Variants in SOX5 observed in about 807,000 individuals in gnomAD.
SOX5 encodes the protein transcription factor SOX-5.
SOX5 carries 9 observed loss-of-function variants against 92.0 expected under a neutral mutation model. The ratio of observed to expected loss-of-function variants is 0.10; its 90% CI spans 0.06 to 0.17. The LOEUF (loss-of-function observed/expected upper bound fraction) is 0.17. SOX5 is among the 10% of genes least tolerant of loss of function. The pLI is 1.00. For synonymous variants in SOX5, 344 were observed against 336.3 expected (o/e 1.02, Z -0.25); for missense variants, 642 against 944.5 (o/e 0.68, Z 4.20).
intron 4 of SOX5, among the ~76,000 whole-genome samples, chr12:24,127,113 C>A (rs576949493): frequency 1.3e-5 from 2 of 151,930 alleles, no homozygotes; most frequent in Non-Finnish European, 2.9e-5. Flanking sequence ...TGATGCCAGG[C>A]ACAGTGGCTC....
chr12:24,401,034 C>T (rs1191436447), intron 1 of SOX5, among the ~76,000 whole-genome samples: 1 of 152,132 alleles, frequency 6.6e-6, no homozygotes, highest in Non-Finnish European at 1.5e-5. Context: ...TGTCCTCTCT[C>T]CAAAACCTGA....
chr12:23,647,394 A>G (rs951238908), intron 7 of SOX5, among the ~76,000 whole-genome samples: 1 of 152,208 alleles, frequency 6.6e-6, no homozygotes, highest in African/African-American at 2.4e-5. Flanking sequence ...TCTTAAAAAA[A>G]CTAAGATTTT....
At chr12:23,705,018 T>C (rs1272759422) in intron 6 of SOX5, among the ~76,000 whole-genome samples, 1 of 151,878 alleles carries the variant, frequency 6.6e-6, no homozygotes, top group East Asian at 1.9e-4. Flanking sequence ...AAACGTTCTA[T>C]CTATGTTAAC....
In SOX5 at chr12:24,196,976, C is replaced by G. The variant is rs146281185; in HGVS notation, c.-2+16367G>C. ...AAATAAGTTCATGGAATTTTAGCCT[C>G]CTGAAGTTAAAAACATACTTCTTCC... is the stretch of plus-strand genomic sequence containing the variant. On this transcript the variant is annotated intron_variant, in intron 4 of 4. Transcript: ENST00000446891. Among the ~76,000 whole-genome samples, 14 of 152,256 alleles carry G rather than the reference C, an allele frequency of 9.2e-5. No individual in the cohort carries two copies. The East Asian group carries it at 2.7e-3, about 29-fold the overall frequency.
chr12:23,899,374 T>C (rs1475926697), intron 1 of SOX5, among the ~76,000 whole-genome samples: 1 of 146,918 alleles, frequency 6.8e-6, no homozygotes, highest in African/African-American at 2.5e-5. Flanking sequence ...GCATCCAGCC[T>C]GGGCAACAAA....
At chr12:24,191,262 T>C (rs1311478981) in intron 4 of SOX5, among the ~76,000 whole-genome samples, 1 of 152,256 alleles carries the variant, frequency 6.6e-6, no homozygotes, top group East Asian at 1.9e-4. Flanking sequence ...GCCAGGATCC[T>C]GGTGTTAATC....
At chr12:24,487,895 C>T (rs1053860835) in intron 1 of SOX5, among the ~76,000 whole-genome samples, 1 of 152,002 alleles carries the variant, frequency 6.6e-6, no homozygotes, top group Non-Finnish European at 1.5e-5. Context: ...TTTTAGAGTT[C>T]AGACAACGCA....
rs79927319 is a variant in SOX5, at chr12:24,468,185, C to T, written c.-251+94144G>A. Among the ~76,000 whole-genome samples, 947 of 152,232 alleles carry T rather than the reference C, an allele frequency of 6.2e-3. 11 individuals carry two copies. Among genetic ancestry groups the T allele is most frequent in the African/African-American group, 0.022 (901 of 41,542 alleles). ...TCATGGGCCTTCCAGGGTTCTGGAA[C>T]GAGGTAGGGAGTGTACTGGATTTCA... On this transcript the variant is annotated intron_variant, in intron 1 of 4. Transcript: ENST00000446891.
intron 7 of SOX5, among the ~76,000 whole-genome samples, chr12:23,642,813 C>T (rs540993156): frequency 4.5e-5 from 5 of 111,372 alleles, no homozygotes; most frequent in African/African-American, 1.3e-4. Context: ...ATGGGCCGGG[C>T]GCGGTGGCTC....
chr12:23,596,711 A>T (rs965126779), intron 9 of SOX5, among the ~76,000 whole-genome samples: 5 of 152,206 alleles, frequency 3.3e-5, no homozygotes, highest in African/African-American at 7.2e-5. Flanking sequence ...CCCCCCAAAA[A>T]AGAGTAACTA....
chr12:23,746,732 C>T (rs1413518278), intron 4 of SOX5, among the ~76,000 whole-genome samples: 1 of 152,046 alleles, frequency 6.6e-6, no homozygotes, highest in Non-Finnish European at 1.5e-5. Context: ...TCAGTCATCT[C>T]CAGCTCAGCA....
At chr12:24,317,750 C>T (rs1949833327) in intron 2 of SOX5, among the ~76,000 whole-genome samples, 1 of 152,224 alleles carries the variant, frequency 6.6e-6, no homozygotes, top group Non-Finnish European at 1.5e-5. Flanking sequence ...CATCTATCAG[C>T]CACCTCTTGG....
chr12:23,766,286 T>A (rs2141423428), intron 3 of SOX5, among the ~76,000 whole-genome samples: 1 of 152,246 alleles, frequency 6.6e-6, no homozygotes, highest in East Asian at 1.9e-4. Context: ...AAGTTAAATT[T>A]AAACTACATG....
At chr12:23,933,693 A>C (rs1941936615) in intron 1 of SOX5, among the ~76,000 whole-genome samples, 1 of 151,546 alleles carries the variant, frequency 6.6e-6, no homozygotes, top group Non-Finnish European at 1.5e-5. Flanking sequence ...CTATGTTTAC[A>C]ATATCGAATT....
intron 4 of SOX5, among the ~76,000 whole-genome samples, chr12:24,113,029 G>GT (rs900603859): frequency 6.6e-6 from 1 of 151,662 alleles, no homozygotes; most frequent in Non-Finnish European, 1.5e-5. Flanking sequence ...TTAAATAACA[G>GT]TTTTTATCAT....
intron 4 of SOX5, among the ~76,000 whole-genome samples, chr12:23,996,287 G>T (rs755036480): frequency 2.0e-5 from 3 of 152,104 alleles, no homozygotes; most frequent in Non-Finnish European, 4.4e-5. Flanking sequence ...AAACCACAAT[G>T]AGATACTGCT....
chr12:23,642,806 G>GTCAGACTAGGATGGTGACATGGGGATGGA (rs1592867496), intron 7 of SOX5, among the ~76,000 whole-genome samples: 4 of 147,900 alleles, frequency 2.7e-5, no homozygotes, highest in South Asian at 2.2e-4. Flanking sequence ...GGTAATTATG[G>GTCAGACTAGGATGGTGACATGGGGATGGA]GCCGGGCGCG....
At chr12:23,948,937 T>C (rs1945069593) in intron 1 of SOX5, among the ~76,000 whole-genome samples, 1 of 152,054 alleles carries the variant, frequency 6.6e-6, no homozygotes, top group Non-Finnish European at 1.5e-5. Flanking sequence ...CACTAAAACT[T>C]AGAAAGGGAA....
intron 9 of SOX5, among the ~76,000 whole-genome samples, chr12:23,600,541 A>ATATATATATATATATATG (rs2074330529): frequency 8.1e-6 from 1 of 124,012 alleles, no homozygotes; most frequent in Non-Finnish European, 1.8e-5. Context: ...ATATATATAT[A>ATATATATATATATATATG]TATATATATA....
Sources: gnomAD v4.1 joint callset for allele counts (sites outside exome capture counted in the v4.1 genomes callset) on GRCh38, gnomAD v4.1.1 for gene constraint, MANE v1.5 for transcripts, NCBI Gene and HGNC (gene_info 2026-07-23, HGNC 2026-07-21) for gene names.